Variants in ZNF676 observed in about 807,000 individuals in gnomAD.
ZNF676 encodes zinc finger protein 676.
ZNF676 carries 4 observed loss-of-function variants against 6.0 expected under a neutral mutation model. The observed-to-expected ratio is 0.67, with a 90% CI of 0.33 to 1.53. The LOEUF (loss-of-function observed/expected upper bound fraction) is 1.53, where lower values mean the gene tolerates loss of function less well. ZNF676 is among the 40% of genes most tolerant of loss of function. The pLI, the probability that ZNF676 is intolerant of heterozygous loss-of-function variation, is 0.06. For missense variants in ZNF676, 644 were observed against 679.7 expected (o/e 0.95, Z 0.58); for synonymous variants, 198 against 223.1 (o/e 0.89, Z 1.00).
At chr19:22,222,221 C>T in the ZNF676 span, among the ~76,000 whole-genome samples, 2 of 152,144 alleles carry the variant, frequency 1.3e-5, no homozygotes, top group Non-Finnish European at 2.9e-5. Context: ...TCTCCTGCCT[C>T]AGACTCCCGA....
At chr19:22,228,961 A>C in the ZNF676 span, among the ~76,000 whole-genome samples, 2 of 152,192 alleles carry the variant, frequency 1.3e-5, no homozygotes, top group Non-Finnish European at 2.9e-5. Flanking sequence ...TGCCATCCCC[A>C]TGAAGCTACC....
chr19:22,231,889 C>T, the ZNF676 span, among the ~76,000 whole-genome samples: 56,202 of 151,736 alleles, frequency 0.37, 10,472 homozygotes, highest in African/African-American at 0.43. Context: ...CGTGAGCCAC[C>T]GCGCCTGGCC....
At chr19:22,233,234 C>T in the ZNF676 span, among the ~76,000 whole-genome samples, 1 of 152,202 alleles carries the variant, frequency 6.6e-6, no homozygotes, top group Non-Finnish European at 1.5e-5. Context: ...ACGCTGGTCT[C>T]CTAGGCTCAA....
the ZNF676 span, among the ~76,000 whole-genome samples, chr19:22,228,643 C>A: frequency 6.6e-6 from 1 of 152,252 alleles, no homozygotes; most frequent in East Asian, 1.9e-4. Flanking sequence ...AGCTGATAAG[C>A]AACTTCAGCA....
intron 1 of ZNF676, among the ~76,000 whole-genome samples, chr19:22,194,194 A>C (rs1321238018): frequency 6.6e-6 from 1 of 152,192 alleles, no homozygotes; most frequent in East Asian, 1.9e-4. Context: ...GTTCCAGTGC[A>C]GTCTTTCTAC....
intron 2 of ZNF676, among the ~76,000 whole-genome samples, chr19:22,183,968 T>C (rs916034069): frequency 3.9e-5 from 6 of 152,158 alleles, no homozygotes; most frequent in Admixed American, 6.5e-5. Context: ...AAAGCAAATA[T>C]TGATAGAATA....
the ZNF676 span, among the ~76,000 whole-genome samples, chr19:22,252,721 C>A: frequency 6.6e-6 from 1 of 150,482 alleles, no homozygotes; most frequent in Non-Finnish European, 1.5e-5. Context: ...CCCATGTGGG[C>A]AAAACACAGG....
chr19:22,234,765 G>C, the ZNF676 span, among the ~76,000 whole-genome samples: 1 of 151,790 alleles, frequency 6.6e-6, no homozygotes, highest in African/African-American at 2.4e-5. Flanking sequence ...GAAACCCCAA[G>C]TCTACTAAAT....
chr19:22,230,263 C>T, the ZNF676 span, among the ~76,000 whole-genome samples: 4 of 152,286 alleles, frequency 2.6e-5, no homozygotes, highest in East Asian at 3.9e-4. Flanking sequence ...AAACCAAACA[C>T]TGCATGTTCT....
At chr19:22,234,528 T>C in the ZNF676 span, among the ~76,000 whole-genome samples, 1 of 152,208 alleles carries the variant, frequency 6.6e-6, no homozygotes, top group Admixed American at 6.5e-5. Context: ...GCATAGTGAC[T>C]TGATAAAACA....
chr19:22,255,558 T>C, the ZNF676 span, among the ~76,000 whole-genome samples: 5 of 152,154 alleles, frequency 3.3e-5, no homozygotes, highest in Non-Finnish European at 7.4e-5. Context: ...AAAAATGTTT[T>C]GCTATCACTG....
intron 1 of ZNF676, among the ~76,000 whole-genome samples, chr19:22,195,604 C>T (rs1568530614): frequency 6.6e-6 from 1 of 152,164 alleles, no homozygotes; most frequent in Non-Finnish European, 1.5e-5. Context: ...CCAAGCATGG[C>T]TACTAAAGAA....
intron 2 of ZNF676, among the ~76,000 whole-genome samples, chr19:22,192,603 CA>C (rs1382736881): frequency 1.3e-5 from 2 of 151,802 alleles, no homozygotes; most frequent in African/African-American, 2.4e-5. Context: ...AAAAATGAAC[CA>C]AAAAAACCCC....
the ZNF676 span, among the ~76,000 whole-genome samples, chr19:22,225,596 A>G: frequency 6.6e-6 from 1 of 152,194 alleles, no homozygotes; most frequent in Non-Finnish European, 1.5e-5. Context: ...TTTTCATAGC[A>G]TCACCAATAG....
At chr19:22,225,824 TATATATTCTGA>T in the ZNF676 span, among the ~76,000 whole-genome samples, 1 of 152,174 alleles carries the variant, frequency 6.6e-6, no homozygotes, top group Non-Finnish European at 1.5e-5. Flanking sequence ...AAGAGTTGCT[TATATATTCTGA>T]ATATTAACTT....
At chr19:22,252,436 GA>G in the ZNF676 span, among the ~76,000 whole-genome samples, 32,590 of 136,878 alleles carry the variant, frequency 0.24, 3,917 homozygotes, top group South Asian at 0.38. Flanking sequence ...AGAAAGAAAA[GA>G]AAAAAAAAAA....
chr19:22,204,859 AG>A (rs1398677172), intron 1 of ZNF676, among the ~76,000 whole-genome samples: 1 of 152,206 alleles, frequency 6.6e-6, no homozygotes, highest in East Asian at 1.9e-4. Context: ...GAATGACAAA[AG>A]GTTTGTTTCA....
At chr19:22,251,359 T>G in the ZNF676 span, among the ~76,000 whole-genome samples, 3 of 152,230 alleles carry the variant, frequency 2.0e-5, no homozygotes, top group Admixed American at 2.0e-4. Context: ...ATGGTACACC[T>G]GTTGTTACAC....
At position 22,180,105 on chromosome 19, in the gene ZNF676, A is replaced by G. The variant is rs780242969; in HGVS notation, c.1612T>C (p.Cys538Arg). 1 of 1,613,910 alleles carries G rather than the reference A, an allele frequency of 6.2e-7. No homozygotes were observed. Among genetic ancestry groups the G allele is most frequent in the South Asian group, 1.1e-5 (1 of 91,072 alleles). Residue 538 changes from cysteine (C) to arginine (R), a missense_variant, in exon 3 of 3, where the codon TGT becomes CGT. Physicochemically the swap from Cys to Arg is radical, Grantham distance 180. Around this residue, in one of 5 missense-constraint regions of ZNF676, gnomAD observed 306 missense variants for 265.4 expected, o/e 1.15. Transcript: ENST00000397121. ...GAGGATCTGCTGAAGGCTTTGCCAC[A>G]TTCTTCACATTTGTAGGGTTTCTCT... ...TGEKPYKCEECGKAFSRSSSL... is the reference protein window; with the variant it reads ...TGEKPYKCEERGKAFSRSSSL...
Sources: allele counts gnomAD v4.1 joint callset (sites outside exome capture counted in the v4.1 genomes callset), GRCh38; gene constraint gnomAD v4.1.1; regional missense constraint gnomAD v4.1.1; transcripts MANE v1.5; gene names NCBI Gene and HGNC (gene_info 2026-07-23, HGNC 2026-07-21).